The following ELF1 variants were observed in gnomAD, a reference collection of about 807,000 sequenced individuals.
The protein encoded by ELF1 is E74 like ETS transcription factor 1.
In ELF1, 24 loss-of-function variants were observed where a neutral mutation model predicts 59.9. That is an observed-to-expected ratio of 0.40 (90% CI 0.29 to 0.56). ELF1 has a LOEUF of 0.56. Ranked by LOEUF, ELF1 falls within the 20% of genes least tolerant of loss-of-function variation. ELF1 has a pLI of 0.44. For missense variants in ELF1, 627 were observed against 742.2 expected, an observed-to-expected ratio of 0.84 and a Z score of 1.80; for synonymous variants, 248 against 266.2, an observed-to-expected ratio of 0.93 and a Z score of 0.67.
chr13:40,935,535 T>A (rs1213970855), intron 8 of ELF1, among the ~76,000 whole-genome samples: 1 of 152,162 alleles, frequency 6.6e-6, no homozygotes. Flanking sequence ...AGACACAGGA[T>A]GACTAGAGCC....
intron 3 of ELF1, among the ~76,000 whole-genome samples, chr13:40,956,138 A>G (rs958176370): frequency 6.7e-6 from 1 of 150,258 alleles, no homozygotes; most frequent in Non-Finnish European, 1.5e-5. Context: ...AAAGGGGGGA[A>G]AGGTGGGGAA....
intron 1 of ELF1, among the ~76,000 whole-genome samples, chr13:40,987,584 CAAAA>C (rs374604821): frequency 1.5e-5 from 1 of 68,408 alleles, no homozygotes; most frequent in Admixed American, 1.7e-4. Flanking sequence ...GACTCTGTCT[CAAAA>C]AAAAAAAAAA....
At chr13:40,938,946 T>C (rs1340628522) in intron 8 of ELF1, among the ~76,000 whole-genome samples, 1 of 152,184 alleles carries the variant, frequency 6.6e-6, no homozygotes, top group Non-Finnish European at 1.5e-5. Flanking sequence ...AATTTTTCCA[T>C]ACTTTGAAAT....
chr13:40,942,595 A>C (rs1870246133), intron 7 of ELF1, among the ~76,000 whole-genome samples: 1 of 152,112 alleles, frequency 6.6e-6, no homozygotes, highest in Non-Finnish European at 1.5e-5. Flanking sequence ...AATCTGGATC[A>C]CTGCAGCCTC....
chr13:40,999,615 A>C (rs1874307708), intron 1 of ELF1, among the ~76,000 whole-genome samples: 1 of 152,350 alleles, frequency 6.6e-6, no homozygotes, highest in African/African-American at 2.4e-5. Flanking sequence ...AGCCCAATGC[A>C]AGTCATGTAA....
intron 1 of ELF1, among the ~76,000 whole-genome samples, chr13:41,005,882 T>C (rs1874725190): frequency 6.6e-6 from 1 of 152,216 alleles, no homozygotes. Context: ...TATCATAAAC[T>C]TGGGCAAAAT....
intron 1 of ELF1, among the ~76,000 whole-genome samples, chr13:41,060,109 G>A (rs1251242721): frequency 2.0e-5 from 3 of 152,194 alleles, no homozygotes; most frequent in Admixed American, 1.3e-4. Flanking sequence ...CCGGCCTCGC[G>A]CTTGCTCAGG....
intron 2 of ELF1, among the ~76,000 whole-genome samples, chr13:40,978,487 C>A (rs936964744): frequency 6.6e-6 from 1 of 151,664 alleles, no homozygotes; most frequent in Non-Finnish European, 1.5e-5. Flanking sequence ...AGAAAAGCCC[C>A]CAAAACTAAT....
At position 40,936,188 on chromosome 13, in the gene ELF1, T is replaced by C. The variant is rs74045134; in HGVS notation, c.1257-2160A>G. Among the ~76,000 whole-genome samples, 903 of 152,208 alleles carry C rather than the reference T, an allele frequency of 5.9e-3. 6 individuals carry two copies. The highest frequency in any genetic ancestry group is 0.021 in the African/African-American group (866 of 41,538). The stretch of plus-strand genomic sequence containing the variant: ...ACCAGTTAGAGAAGAAGAGAGGCCA[T>C]CTGACTGCAGAGCCGATGTGCCGCC... On this transcript the variant is annotated intron_variant, in intron 8 of 8. Transcript: ENST00000239882.
chr13:40,959,322 C>A (rs1593363259), intron 2 of ELF1, among the ~76,000 whole-genome samples: 1 of 151,878 alleles, frequency 6.6e-6, no homozygotes, highest in East Asian at 1.9e-4. Context: ...ATGGTGAAAC[C>A]CCATCTCTAC....
At chr13:40,977,252 C>T (rs935387936) in intron 2 of ELF1, among the ~76,000 whole-genome samples, 3 of 151,980 alleles carry the variant, frequency 2.0e-5, no homozygotes, top group East Asian at 3.9e-4. Flanking sequence ...CATGCTAACA[C>T]GCTTGTTAAG....
intron 1 of ELF1, among the ~76,000 whole-genome samples, chr13:41,046,872 A>C (rs1308881209): frequency 1.3e-5 from 2 of 152,126 alleles, no homozygotes; most frequent in Non-Finnish European, 2.9e-5. Context: ...TTATATCCTG[A>C]AGAGTGTTTT....
At chr13:41,005,541 T>C (rs543423054) in intron 1 of ELF1, among the ~76,000 whole-genome samples, 1 of 152,078 alleles carries the variant, frequency 6.6e-6, no homozygotes, top group South Asian at 2.1e-4. Flanking sequence ...CTTGCATCTT[T>C]GATCTTTGGT....
chr13:40,964,927 C>T (rs1166523845), intron 2 of ELF1, among the ~76,000 whole-genome samples: 1 of 152,084 alleles, frequency 6.6e-6, no homozygotes, highest in Non-Finnish European at 1.5e-5. Flanking sequence ...TCTGCCATGA[C>T]CCTATTTCCA....
chr13:41,001,395 C>A (rs1874435745), intron 1 of ELF1, among the ~76,000 whole-genome samples: 1 of 151,934 alleles, frequency 6.6e-6, no homozygotes. Context: ...TGAGACCAAC[C>A]CAGGCAACAT....
chr13:40,999,368 TA>T (rs56197013), intron 1 of ELF1, among the ~76,000 whole-genome samples: 150,253 of 152,300 alleles, frequency 0.99, 74,141 homozygotes, highest in East Asian at 1. Context: ...GAAAAGATAG[TA>T]AAAATATATT....
intron 3 of ELF1, among the ~76,000 whole-genome samples, chr13:40,953,332 A>C (rs1371151690): frequency 6.6e-6 from 1 of 152,174 alleles, no homozygotes; most frequent in Non-Finnish European, 1.5e-5. Context: ...CCAAAATTCT[A>C]TGTTGACATG....
Position 40,945,482 on chromosome 13 carries a change from G to A in ELF1, c.530-1557C>T, listed in dbSNP as rs1489119563. 3.3e-5 allele frequency among the ~76,000 whole-genome samples: 5 copies of A among 152,110 alleles called. No homozygotes were observed. In the South Asian group the frequency reaches 6.2e-4, roughly 19 times the overall value. On this transcript the variant is annotated intron_variant, in intron 5 of 8. Coordinates refer to ENST00000239882, the MANE Select transcript of ELF1 (RefSeq NM_172373.4). The stretch of plus-strand genomic sequence containing the variant: ...TCTTGAAGTAATGTAGTTTCTCCCC[G>A]GTCGGCTTCTTTTTTTTGAGTGGGG...
intron 1 of ELF1, among the ~76,000 whole-genome samples, chr13:41,003,658 T>C (rs1478908828): frequency 6.6e-6 from 1 of 152,048 alleles, no homozygotes; most frequent in African/African-American, 2.4e-5. Context: ...CAAAAAGTAA[T>C]AAAGAGAATT....
Sources: gnomAD v4.1 joint callset for allele counts (sites outside exome capture counted in the v4.1 genomes callset) on GRCh38, gnomAD v4.1.1 for gene constraint, MANE v1.5 for transcripts, NCBI Gene and HGNC (gene_info 2026-07-23, HGNC 2026-07-21) for gene names.